Variants in FBXO31 observed in about 807,000 individuals in gnomAD.
The protein encoded by FBXO31 is F-box only protein 31.
A neutral mutation model predicts 54.4 loss-of-function variants in FBXO31; 24 were observed. The ratio of observed to expected loss-of-function variants is 0.44; its 90% CI spans 0.32 to 0.62. The LOEUF is 0.62. Ranked by LOEUF, FBXO31 falls within the 20% of genes least tolerant of loss-of-function variation. The probability of loss-of-function intolerance (pLI) is 0.05; values close to 1 mark genes in which losing one functional copy is unlikely to be tolerated. For synonymous variants in FBXO31, 388 were observed against 335.6 expected (o/e 1.16, Z -1.71); for missense variants, 665 against 787.1 (o/e 0.84, Z 1.86).
At position 87,349,841 on chromosome 16, in the gene FBXO31, G is replaced by A. The variant is rs184504893; in HGVS notation, c.413-2591C>T. ...GGAGGACCACTTGAGCCCGGGAGGC[G>A]GAGGCTGTAGTGAGCTATGATCGTG... is the stretch of plus-strand genomic sequence containing the variant. On this transcript the variant is annotated intron_variant, in intron 2 of 8. Coordinates refer to ENST00000311635, the MANE Select transcript of FBXO31 (RefSeq NM_024735.5). 6.2e-3 allele frequency among the ~76,000 whole-genome samples: 946 copies of A among 152,010 alleles called. 4 individuals carry two copies. Among genetic ancestry groups the A allele is most frequent in the Non-Finnish European group, 9.6e-3 (654 of 67,966 alleles).
At position 87,331,369 on chromosome 16, in the gene FBXO31, C is replaced by T; in HGVS notation, c.1539G>A (p.Gln513=). The T allele has an allele frequency of 6.2e-7, 1 of 1,613,990 alleles. No individual in the cohort carries two copies. Among genetic ancestry groups the T allele is most frequent in the East Asian group, 2.2e-5 (1 of 44,874 alleles). The part of the protein sequence containing the change: ...LKSFSLYSRV[Q]ATFRNADAPS... ...GCGCATCTGCGTTCCGGAAGGTGGC[C>T]TGGACCCGGCTGTACAGGCTGAAGG... Residue 513 remains glutamine (Q), a synonymous_variant, in exon 9 of 9, where the codon CAG becomes CAA. Transcript: ENST00000311635.
rs1904969135 is a variant in FBXO31, at chr16:87,334,210, T to C, written c.1073A>G (p.Glu358Gly). ...LRHRIQLPDL[E>G]NQRNFNELSR... ...GAGCTCATTGAAGTTGCGCTGGTTCTCGAGGTCGGGCAGCTGGATCCGATG... is the reference window on the plus strand; with the variant it reads ...GAGCTCATTGAAGTTGCGCTGGTTCCCGAGGTCGGGCAGCTGGATCCGATG... Residue 358 changes from glutamate to glycine, a missense_variant, in exon 8 of 9, where the codon GAG becomes GGG. By Grantham distance (98) the Glu-to-Gly change is moderately conservative. Around this residue, in one of 4 missense-constraint regions of FBXO31, gnomAD observed 234 missense variants for 346.8 expected, o/e 0.67. Coordinates refer to ENST00000311635, the MANE Select transcript of FBXO31 (RefSeq NM_024735.5). 1 of 1,612,274 alleles carries C rather than the reference T, an allele frequency of 6.2e-7. No individual in the cohort carries two copies. Among genetic ancestry groups the C allele is most frequent in the Admixed American group, 1.7e-5 (1 of 59,910 alleles).
chr16:87,360,397 G>A, intron 1 of FBXO31, 31 bp from the exon 2 acceptor site: 1 of 1,605,378 alleles, frequency 6.2e-7, no homozygotes, highest in Non-Finnish European at 8.5e-7. Flanking sequence ...AGAAATTTAA[G>A]ATCAACAACT....
intron 3 of FBXO31, among the ~76,000 whole-genome samples, chr16:87,344,252 C>T (rs768656933): frequency 1.1e-4 from 17 of 152,216 alleles, no homozygotes; most frequent in Non-Finnish European, 1.8e-4. Context: ...GGACGGACAG[C>T]TGAAATGCCA....
Position 87,334,178 on chromosome 16 carries a change from T to C in FBXO31, c.1105A>G (p.Ile369Val), listed in dbSNP as rs762521039. 4.5e-5 allele frequency: 73 copies of C among 1,612,772 alleles called. No individual in the cohort carries two copies. Among genetic ancestry groups the C allele is most frequent in the Non-Finnish European group, 5.8e-5 (69 of 1,179,784 alleles). Residue 369 changes from isoleucine to valine, a missense_variant, in exon 8 of 9, where the codon ATC becomes GTC. Ile to Val is a conservative substitution (Grantham distance 29). Transcript: ENST00000311635. ...NQRNFNELSRIVLEVRERVRQ... is the reference protein window; with the variant it reads ...NQRNFNELSRVVLEVRERVRQ... ...ACCCTCTCGCGCACCTCCAGGACGA[T>C]GCGGGAGAGCTCATTGAAGTTGCGC...
At chr16:87,349,079 C>G (rs1905526068) in intron 2 of FBXO31, among the ~76,000 whole-genome samples, 1 of 152,210 alleles carries the variant, frequency 6.6e-6, no homozygotes, top group South Asian at 2.1e-4. Context: ...ACTCCCCCAG[C>G]TAATCATCAA....
At chr16:87,350,519 C>G (rs1231544176) in intron 2 of FBXO31, among the ~76,000 whole-genome samples, 2 of 152,170 alleles carry the variant, frequency 1.3e-5, no homozygotes, top group East Asian at 1.9e-4. Flanking sequence ...TAAACACACA[C>G]TGATCTTGAC....
chr16:87,344,614 A>G (rs1294195828), intron 3 of FBXO31, among the ~76,000 whole-genome samples: 2 of 151,628 alleles, frequency 1.3e-5, no homozygotes, highest in South Asian at 2.1e-4. Flanking sequence ...ACTTTCCCCA[A>G]TTATCCACTG....
chr16:87,380,505 T>C (rs1907031685), intron 1 of FBXO31, among the ~76,000 whole-genome samples: 1 of 151,990 alleles, frequency 6.6e-6, no homozygotes, highest in African/African-American at 2.4e-5. Flanking sequence ...CAGGGTCAGG[T>C]GATCCTCCCA....
intron 8 of FBXO31, among the ~76,000 whole-genome samples, chr16:87,333,213 C>G (rs769412053): frequency 1.3e-5 from 2 of 152,354 alleles, no homozygotes; most frequent in East Asian, 3.9e-4. Flanking sequence ...CAGGAGCTGG[C>G]AGCTGTGCAA....
upstream of FBXO31, chr16:87,386,259 G>C (rs967596644): frequency 6.6e-6 from 1 of 152,146 alleles, no homozygotes; most frequent in East Asian, 1.9e-4. Flanking sequence ...ATAAAATATA[G>C]GTTGGAGTTA....
intron 5 of FBXO31, among the ~76,000 whole-genome samples, chr16:87,337,733 A>G (rs1905077212): frequency 6.6e-6 from 1 of 151,366 alleles, no homozygotes; most frequent in Admixed American, 6.6e-5. Context: ...AGGAACCACG[A>G]CCCCGCCTTA....
At chr16:87,356,844 C>G (rs1258893355) in intron 2 of FBXO31, among the ~76,000 whole-genome samples, 2 of 152,194 alleles carry the variant, frequency 1.3e-5, no homozygotes, top group Admixed American at 1.3e-4. Flanking sequence ...GCTCCACGAG[C>G]CTCTAGAAAC....
At chr16:87,341,395 C>A (rs1407211659) in intron 5 of FBXO31, among the ~76,000 whole-genome samples, 1 of 152,156 alleles carries the variant, frequency 6.6e-6, no homozygotes, top group African/African-American at 2.4e-5. Flanking sequence ...GTGGCTCACA[C>A]CTGTAATCCC....
chr16:87,382,549 C>A (rs1469360155), intron 1 of FBXO31, among the ~76,000 whole-genome samples: 1 of 152,208 alleles, frequency 6.6e-6, no homozygotes, highest in Non-Finnish European at 1.5e-5. Flanking sequence ...AAAGTCCAGC[C>A]CGCACCGCTG....
At chr16:87,333,807 G>C (rs891326938) in intron 8 of FBXO31, 79 bp downstream of exon 8, 6 of 1,490,568 alleles carry the variant, frequency 4.0e-6, no homozygotes, top group Non-Finnish European at 5.4e-6. Context: ...CTCTCCGCCT[G>C]TGCTAGGTGT....
chr16:87,344,917 C>T (rs1464373689), intron 3 of FBXO31, among the ~76,000 whole-genome samples: 3 of 142,470 alleles, frequency 2.1e-5, no homozygotes, highest in African/African-American at 7.8e-5. Flanking sequence ...CTTCCCCAAA[C>T]CCCACCTGGG....
intron 1 of FBXO31, among the ~76,000 whole-genome samples, chr16:87,377,515 T>C (rs1165431107): frequency 6.6e-6 from 1 of 152,000 alleles, no homozygotes; most frequent in Non-Finnish European, 1.5e-5. Context: ...CTATAGACAA[T>C]GAGAAAATGT....
intron 2 of FBXO31, among the ~76,000 whole-genome samples, chr16:87,350,577 G>C (rs563962878): frequency 4.6e-5 from 7 of 152,328 alleles, no homozygotes; most frequent in African/African-American, 1.2e-4. Flanking sequence ...ACTGACGCCT[G>C]CAAGTGTGAA....
Sources: allele counts gnomAD v4.1 joint callset (sites outside exome capture counted in the v4.1 genomes callset), GRCh38; gene constraint gnomAD v4.1.1; regional missense constraint gnomAD v4.1.1; transcripts MANE v1.5; gene names NCBI Gene and HGNC (gene_info 2026-07-23, HGNC 2026-07-21).